Variants in FARS2 observed in about 807,000 individuals in gnomAD.
FARS2 encodes phenylalanyl-tRNA synthetase 2, mitochondrial.
In FARS2, 40 loss-of-function variants were observed where a neutral mutation model predicts 46.4. That is an observed-to-expected ratio of 0.86 (90% CI 0.67 to 1.12). FARS2 has a LOEUF of 1.12. Ranked by LOEUF, FARS2 falls within the 50% of genes most tolerant of loss-of-function variation. The pLI is 0.00. For synonymous variants in FARS2, 234 were observed against 214.9 expected (o/e 1.09, Z -0.78); for missense variants, 513 against 567.9 (o/e 0.90, Z 0.98).
intron 5 of FARS2, among the ~76,000 whole-genome samples, chr6:5,604,306 C>T (rs1210588057): frequency 6.6e-6 from 1 of 152,204 alleles, no homozygotes; most frequent in African/African-American, 2.4e-5. Flanking sequence ...CTTGCTGTTT[C>T]CCTGGACACC....
chr6:5,688,433 G>A (rs60730925), intron 6 of FARS2, among the ~76,000 whole-genome samples: 3,120 of 152,224 alleles, frequency 0.02, 112 homozygotes, highest in African/African-American at 0.07. Context: ...TTTGTCAAAG[G>A]CCTTTTCTGC....
chr6:5,596,532 T>C (rs920375640), intron 5 of FARS2, among the ~76,000 whole-genome samples: 2 of 152,220 alleles, frequency 1.3e-5, no homozygotes, highest in East Asian at 3.8e-4. Flanking sequence ...ATAAGGGAAA[T>C]TAATCATTAA....
intron 1 of FARS2, among the ~76,000 whole-genome samples, chr6:5,268,819 T>G (rs1409690187): frequency 6.6e-6 from 1 of 152,206 alleles, no homozygotes; most frequent in African/African-American, 2.4e-5. Context: ...ACGATATTGA[T>G]TCTTCCTATC....
chr6:5,644,800 T>C (rs1776996821), intron 6 of FARS2, among the ~76,000 whole-genome samples: 1 of 152,214 alleles, frequency 6.6e-6, no homozygotes, highest in African/African-American at 2.4e-5. Context: ...TAGGTAATGA[T>C]CCAGTTTTTA....
intron 4 of FARS2, chr6:5,431,531 A>G: frequency 2.3e-6 from 1 of 434,634 alleles, no homozygotes; most frequent in South Asian, 1.7e-5. Flanking sequence ...AAGAACAAAG[A>G]CAATGCATAA....
intron 4 of FARS2, among the ~76,000 whole-genome samples, chr6:5,458,921 A>G (rs144556799): frequency 6.6e-6 from 1 of 152,322 alleles, no homozygotes; most frequent in Non-Finnish European, 1.5e-5. Context: ...TACCCTGAAG[A>G]TACATTTTAA....
chr6:5,558,610 C>T (rs566852200), intron 5 of FARS2, among the ~76,000 whole-genome samples: 6 of 152,174 alleles, frequency 3.9e-5, no homozygotes, highest in African/African-American at 1.4e-4. Flanking sequence ...GATCTCGGCT[C>T]ACTGCAAACT....
chr6:5,411,688 T>G (rs1202538143), intron 3 of FARS2, among the ~76,000 whole-genome samples: 1 of 152,344 alleles, frequency 6.6e-6, no homozygotes, highest in East Asian at 1.9e-4. Context: ...GTTTCAGGTT[T>G]TTTTCCTGTC....
intron 2 of FARS2, among the ~76,000 whole-genome samples, chr6:5,389,969 A>G (rs138400240): frequency 1.6e-4 from 25 of 152,230 alleles, no homozygotes; most frequent in African/African-American, 5.5e-4. Context: ...GGTTCAAGCA[A>G]TCCTCTTGCC....
intron 1 of FARS2, among the ~76,000 whole-genome samples, chr6:5,312,230 A>G (rs1329385982): frequency 6.6e-6 from 1 of 152,230 alleles, no homozygotes; most frequent in East Asian, 1.9e-4. Context: ...GCATTCATTT[A>G]TCCTCAGAAA....
chr6:5,580,555 G>A (rs1277890338), intron 5 of FARS2, among the ~76,000 whole-genome samples: 1 of 152,152 alleles, frequency 6.6e-6, no homozygotes, highest in Non-Finnish European at 1.5e-5. Context: ...AGCAGCCCCC[G>A]TGTGTCTCTG....
intron 2 of FARS2, among the ~76,000 whole-genome samples, chr6:5,377,981 T>C (rs1177392047): frequency 1.3e-5 from 2 of 152,150 alleles, no homozygotes; most frequent in Non-Finnish European, 1.5e-5. Flanking sequence ...GTTATAAATA[T>C]TACATAATTA....
At chr6:5,761,949 G>A (rs998245916) in intron 6 of FARS2, among the ~76,000 whole-genome samples, 19 of 152,204 alleles carry the variant, frequency 1.2e-4, no homozygotes, top group Non-Finnish European at 2.1e-4. Flanking sequence ...CCTGCTGTGT[G>A]CACACCAGTG....
intron 6 of FARS2, among the ~76,000 whole-genome samples, chr6:5,666,050 AG>A (rs1279462767): frequency 6.6e-6 from 1 of 152,194 alleles, no homozygotes; most frequent in Non-Finnish European, 1.5e-5. Context: ...GGAGGGAGGA[AG>A]GGAAGATTCA....
At chr6:5,341,170 G>A (rs1210787309) in intron 1 of FARS2, among the ~76,000 whole-genome samples, 1 of 107,528 alleles carries the variant, frequency 9.3e-6, no homozygotes, top group South Asian at 3.1e-4. Flanking sequence ...TCATTTGCCT[G>A]CTCTGTGGCC....
chr6:5,554,406 C>T (rs1771537155), intron 5 of FARS2, among the ~76,000 whole-genome samples: 1 of 152,162 alleles, frequency 6.6e-6, no homozygotes, highest in South Asian at 2.1e-4. Flanking sequence ...ATTAGGTCAT[C>T]TCTGAGGTCA....
intron 1 of FARS2, among the ~76,000 whole-genome samples, chr6:5,358,297 T>TGA (rs2127619852): frequency 1.3e-5 from 2 of 151,844 alleles, no homozygotes; most frequent in South Asian, 4.2e-4. Context: ...TTAAAAACTG[T>TGA]TATATATATA....
chr6:5,712,634 G>A (rs1759247836), intron 6 of FARS2, among the ~76,000 whole-genome samples: 1 of 152,238 alleles, frequency 6.6e-6, no homozygotes, highest in Non-Finnish European at 1.5e-5. Context: ...CTGGAAAGCG[G>A]CAGAGCCAAG....
At chr6:5,340,041 C>T (rs756447945) in intron 1 of FARS2, among the ~76,000 whole-genome samples, 2 of 152,190 alleles carry the variant, frequency 1.3e-5, no homozygotes, top group African/African-American at 2.4e-5. Context: ...CTGTGGCCTC[C>T]GTTTGATTTT....
Sources: allele counts gnomAD v4.1 joint callset (sites outside exome capture counted in the v4.1 genomes callset), GRCh38; gene constraint gnomAD v4.1.1; transcripts MANE v1.5; gene names NCBI Gene and HGNC (gene_info 2026-07-23, HGNC 2026-07-21).